RGL1: variants seen among roughly 807,000 people sequenced by gnomAD.
The protein encoded by RGL1 is ral guanine nucleotide dissociation stimulator-like 1.
Under a neutral mutation model 95.2 loss-of-function variants are expected in RGL1, and 24 were observed. That is an observed-to-expected ratio of 0.25 (90% confidence interval 0.18 to 0.35). The LOEUF (loss-of-function observed/expected upper bound fraction) is 0.35. Among genes scored for constraint, RGL1 ranks in the 10% least tolerant of loss-of-function variants. The pLI, the probability that RGL1 is intolerant of heterozygous loss-of-function variation, is 1.00. For synonymous variants in RGL1, 329 were observed against 344.9 expected (o/e 0.95, Z 0.51); for missense variants, 715 against 936.3 (o/e 0.76, Z 3.08).
intron 1 of RGL1, among the ~76,000 whole-genome samples, chr1:183,701,192 A>G (rs1654578535): frequency 6.6e-6 from 1 of 152,206 alleles, no homozygotes; most frequent in African/African-American, 2.4e-5. Context: ...AGATTTGTTG[A>G]TAGGATAGAT....
intron 1 of RGL1, among the ~76,000 whole-genome samples, chr1:183,660,722 C>T (rs558102468): frequency 6.6e-6 from 1 of 152,046 alleles, no homozygotes; most frequent in Admixed American, 6.5e-5. Flanking sequence ...TAGACATCTA[C>T]AGAACTCTCC....
chr1:183,872,933 A>C (rs1268709836), intron 4 of RGL1, among the ~76,000 whole-genome samples: 1 of 152,222 alleles, frequency 6.6e-6, no homozygotes, highest in Admixed American at 6.5e-5. Flanking sequence ...TTTTTTTTAA[A>C]GTGAAACAAA....
intron 1 of RGL1, among the ~76,000 whole-genome samples, chr1:183,732,054 A>C (rs1273972967): frequency 4.6e-5 from 7 of 152,166 alleles, no homozygotes. Context: ...GCATGGTGCT[A>C]GGTGAGATTT....
chr1:183,826,263 C>G lies in RGL1; in HGVS notation c.138+19778C>G, dbSNP rs112920440. Among the ~76,000 whole-genome samples the G allele has an allele frequency of 2.1e-3, 318 of 152,216 alleles. 2 individuals are homozygous for G. The highest frequency in any genetic ancestry group is 7.3e-3 in the African/African-American group (302 of 41,538). The stretch of plus-strand genomic sequence containing the variant: ...AGAGACGGACTTTCAGCATGTTAGC[C>G]AAGATGGCCCTGTCTCTATTTTTTA... On this transcript the variant is annotated intron_variant, in intron 2 of 17. Coordinates refer to ENST00000360851, the MANE Select transcript of RGL1 (RefSeq NM_001297671.3).
At chr1:183,821,525 G>A (rs147153961) in intron 2 of RGL1, among the ~76,000 whole-genome samples, 134 of 152,282 alleles carry the variant, frequency 8.8e-4, no homozygotes, top group African/African-American at 3.1e-3. Context: ...ATTACCAGGA[G>A]GCCTGGTCTG....
chr1:183,659,601 G>A (rs1651459974), intron 1 of RGL1, among the ~76,000 whole-genome samples: 3 of 152,196 alleles, frequency 2.0e-5, no homozygotes, highest in South Asian at 2.1e-4. Context: ...TGAAAGTGAC[G>A]GGGAGAATGG....
intron 5 of RGL1, among the ~76,000 whole-genome samples, chr1:183,881,745 G>A (rs1666837802): frequency 6.6e-6 from 1 of 152,256 alleles, no homozygotes; most frequent in African/African-American, 2.4e-5. Context: ...ATGGATGGGG[G>A]TCCCAGAGAG....
At chr1:183,656,029 C>T (rs182762732) in intron 1 of RGL1, among the ~76,000 whole-genome samples, 61 of 152,174 alleles carry the variant, frequency 4.0e-4, no homozygotes, top group African/African-American at 1.3e-3. Context: ...AAAATGGAGT[C>T]ACTCATGCTA....
chr1:183,904,371 G>T (rs1668196551), intron 12 of RGL1, among the ~76,000 whole-genome samples: 1 of 152,154 alleles, frequency 6.6e-6, no homozygotes, highest in African/African-American at 2.4e-5. Flanking sequence ...TTATTGAGGG[G>T]TAAAGGTTGA....
chr1:183,799,706 G>A (rs751814705), intron 2 of RGL1, among the ~76,000 whole-genome samples: 93 of 152,086 alleles, frequency 6.1e-4, no homozygotes, highest in African/African-American at 2.1e-3. Context: ...GATATTAACC[G>A]CTTATCAGAT....
At chr1:183,862,994 C>A (rs1665606090) in intron 3 of RGL1, among the ~76,000 whole-genome samples, 1 of 152,148 alleles carries the variant, frequency 6.6e-6, no homozygotes. Context: ...TTAAATAGGG[C>A]AGTCTGGGAA....
chr1:183,864,545 A>T (rs1665707617), intron 3 of RGL1, among the ~76,000 whole-genome samples: 1 of 152,150 alleles, frequency 6.6e-6, no homozygotes, highest in African/African-American at 2.4e-5. Context: ...GAAAAATCTC[A>T]CCCTGTTTAT....
Position 183,883,917 on chromosome 1 carries a change from C to T in RGL1, c.735+7C>T. On this transcript the variant is annotated splice_region_variant and intron_variant, in intron 6 of 17. Transcript: ENST00000360851. ...GCTGACCTACATGGATGCAGTATGT[C>T]TTCTCTTTGTGATCAGATGTACTTT... is the stretch of plus-strand genomic sequence containing the variant. 1 of 1,613,502 alleles carries T rather than the reference C, an allele frequency of 6.2e-7. No homozygotes were observed. Among genetic ancestry groups the T allele is most frequent in the Non-Finnish European group, 8.5e-7 (1 of 1,179,586 alleles).
intron 2 of RGL1, among the ~76,000 whole-genome samples, chr1:183,789,930 A>AC (rs1660363111): frequency 6.8e-6 from 1 of 147,502 alleles, no homozygotes. Context: ...GCTTTTACTT[A>AC]TTTTTTTTTT....
At chr1:183,741,987 G>A in intron 1 of RGL1, 1 of 580,022 alleles carries the variant, frequency 1.7e-6, no homozygotes, top group South Asian at 2.8e-5. Flanking sequence ...TATAAAAGTG[G>A]CCATAAAAGT....
chr1:183,671,936 T>TC (rs1458562981), intron 1 of RGL1, among the ~76,000 whole-genome samples: 1,872 of 149,562 alleles, frequency 0.013, 46 homozygotes, highest in African/African-American at 0.046. Flanking sequence ...GATTTTTTTT[T>TC]TCTTTTTTTT....
chr1:183,746,652 A>AT (rs71773992), intron 2 of RGL1, among the ~76,000 whole-genome samples: 7 of 144,928 alleles, frequency 4.8e-5, no homozygotes, highest in African/African-American at 1.8e-4. Flanking sequence ...TTTCTTATAT[A>AT]TTTTTTTAAT....
intron 2 of RGL1, among the ~76,000 whole-genome samples, chr1:183,788,505 C>A (rs1660287786): frequency 6.6e-6 from 1 of 152,210 alleles, no homozygotes; most frequent in African/African-American, 2.4e-5. Context: ...AATGCTTAAT[C>A]TGGACACTCA....
At chr1:183,801,614 TC>T (rs1444336824), upstream of RGL1, among the ~76,000 whole-genome samples, 1 of 152,180 alleles carries the variant, frequency 6.6e-6, no homozygotes, top group Non-Finnish European at 1.5e-5. Flanking sequence ...TTTATCTAAG[TC>T]CTTTGTGTTG....
Sources: allele counts gnomAD v4.1 joint callset (sites outside exome capture counted in the v4.1 genomes callset), GRCh38; gene constraint gnomAD v4.1.1; transcripts MANE v1.5; gene names NCBI Gene and HGNC (gene_info 2026-07-23, HGNC 2026-07-21).